The following CATSPERT variants were observed in gnomAD, a reference collection of about 807,000 sequenced individuals.
CATSPERT encodes catsper channel auxiliary subunit tau.
chr2:201,573,939 G>C, the CATSPERT span, among the ~76,000 whole-genome samples: 4 of 152,158 alleles, frequency 2.6e-5, no homozygotes, highest in Non-Finnish European at 1.5e-5. Flanking sequence ...TTATGGGTGT[G>C]AGCCACTACA....
the CATSPERT span, among the ~76,000 whole-genome samples, chr2:201,616,484 A>C: frequency 6.6e-6 from 1 of 152,254 alleles, no homozygotes; most frequent in African/African-American, 2.4e-5. Context: ...AGATGCAGAA[A>C]AGGCCTTTGA....
chr2:201,487,498 A>C, the CATSPERT span: 1 of 1,008,944 alleles, frequency 9.9e-7, no homozygotes, highest in Non-Finnish European at 1.4e-6. Flanking sequence ...TGTCACACAA[A>C]AGAAGAGATC....
the CATSPERT span, among the ~76,000 whole-genome samples, chr2:201,571,618 C>T: frequency 1.3e-5 from 2 of 152,158 alleles, no homozygotes; most frequent in African/African-American, 4.8e-5. Flanking sequence ...CCTCTTTTCC[C>T]AAAAGGGGTA....
At chr2:201,560,483 C>T in the CATSPERT span, among the ~76,000 whole-genome samples, 72,792 of 148,874 alleles carry the variant, frequency 0.49, 18,224 homozygotes, top group East Asian at 0.75. Flanking sequence ...ACAACAACAA[C>T]AATAATAATA....
the CATSPERT span, among the ~76,000 whole-genome samples, chr2:201,560,465 T>TAAC: frequency 9.8e-4 from 32 of 32,692 alleles, no homozygotes; most frequent in South Asian, 4.1e-3. Flanking sequence ...ATAATAATAA[T>TAAC]AATAACAACA....
chr2:201,493,438 C>T, the CATSPERT span: 1 of 1,537,168 alleles, frequency 6.5e-7, no homozygotes, highest in Non-Finnish European at 8.7e-7. Context: ...CTTTAGGTTT[C>T]CTTTAGGAGA....
At chr2:201,548,687 C>T in the CATSPERT span, among the ~76,000 whole-genome samples, 1 of 151,984 alleles carries the variant, frequency 6.6e-6, no homozygotes, top group Admixed American at 6.6e-5. Flanking sequence ...CAGTTCATTT[C>T]ATGAGGACAT....
At chr2:201,493,628 A>G in the CATSPERT span, 1 of 1,537,298 alleles carries the variant, frequency 6.5e-7, no homozygotes, top group East Asian at 2.4e-5. Context: ...AGAATATGTG[A>G]TGACAAACTT....
the CATSPERT span, among the ~76,000 whole-genome samples, chr2:201,537,178 C>T: frequency 6.6e-6 from 1 of 151,870 alleles, no homozygotes; most frequent in Admixed American, 6.6e-5. Flanking sequence ...CGTAGAACTT[C>T]ATGCTTTTTT....
At chr2:201,505,236 T>C in the CATSPERT span, among the ~76,000 whole-genome samples, 1 of 152,108 alleles carries the variant, frequency 6.6e-6, no homozygotes, top group Non-Finnish European at 1.5e-5. Flanking sequence ...GTGCACACCA[T>C]CATGTCTGGC....
At chr2:201,592,561 A>G in the CATSPERT span, among the ~76,000 whole-genome samples, 3 of 151,474 alleles carry the variant, frequency 2.0e-5, no homozygotes, top group African/African-American at 4.9e-5. Context: ...GAATGGTACC[A>G]GTTCCTCCTT....
chr2:201,520,568 T>C, the CATSPERT span, among the ~76,000 whole-genome samples: 12 of 152,144 alleles, frequency 7.9e-5, no homozygotes, highest in Admixed American at 7.2e-4. Context: ...GAATAACCAC[T>C]GCGTGAAGAA....
the CATSPERT span, among the ~76,000 whole-genome samples, chr2:201,571,558 G>A: frequency 2.0e-5 from 3 of 152,144 alleles, no homozygotes; most frequent in African/African-American, 4.8e-5. Flanking sequence ...TTACTATACC[G>A]CAGAGCAGAA....
the CATSPERT span, chr2:201,581,964 T>C: frequency 8.8e-7 from 1 of 1,132,752 alleles, no homozygotes; most frequent in Non-Finnish European, 1.2e-6. Context: ...AAGGAGATTT[T>C]ATTTCTTAAA....
At chr2:201,580,359 A>C in the CATSPERT span, among the ~76,000 whole-genome samples, 5 of 152,214 alleles carry the variant, frequency 3.3e-5, no homozygotes, top group African/African-American at 1.2e-4. Context: ...GCTTCCCAAT[A>C]AACTTTTACC....
the CATSPERT span, among the ~76,000 whole-genome samples, chr2:201,581,390 A>G: frequency 6.9e-6 from 1 of 145,680 alleles, no homozygotes; most frequent in Non-Finnish European, 1.5e-5. Flanking sequence ...AGTTAGTGAT[A>G]CAACCTAAAA....
At chr2:201,510,497 T>A in the CATSPERT span, among the ~76,000 whole-genome samples, 1 of 152,172 alleles carries the variant, frequency 6.6e-6, no homozygotes, top group Non-Finnish European at 1.5e-5. Context: ...TTAATATTTT[T>A]AATTAAATTA....
chr2:201,520,825 G>A, the CATSPERT span, among the ~76,000 whole-genome samples: 8 of 151,464 alleles, frequency 5.3e-5, no homozygotes, highest in Admixed American at 1.3e-4. Context: ...GGAGGTGAAG[G>A]TCGTGGTGAG....
the CATSPERT span, chr2:201,535,427 TA>T: frequency 4.1e-6 from 4 of 971,642 alleles, no homozygotes; most frequent in Non-Finnish European, 4.9e-6. Context: ...GGTGTACCTT[TA>T]AATTCACACT....
Sources: allele counts gnomAD v4.1 joint callset (sites outside exome capture counted in the v4.1 genomes callset), GRCh38; gene constraint gnomAD v4.1.1; transcripts MANE v1.5; gene names NCBI Gene and HGNC (gene_info 2026-07-23, HGNC 2026-07-21).